Variants in SORCS1 observed in about 807,000 individuals in gnomAD.
SORCS1 encodes the protein VPS10 domain-containing receptor SorCS1.
A neutral mutation model predicts 146.1 loss-of-function variants in SORCS1; 60 were observed. That is an observed-to-expected ratio of 0.41 (90% CI 0.33 to 0.51). The LOEUF (loss-of-function observed/expected upper bound fraction) is 0.51. Among genes scored for constraint, SORCS1 ranks in the 20% least tolerant of loss-of-function variants. SORCS1 has a pLI of 0.21. For missense variants in SORCS1, 1,352 were observed against 1,487.6 expected, an observed-to-expected ratio of 0.91 and a Z score of 1.50; for synonymous variants, 637 against 584.0, an observed-to-expected ratio of 1.09 and a Z score of -1.31.
At chr10:106,861,399 TAAAAAAA>T (rs35890575) in intron 2 of SORCS1, among the ~76,000 whole-genome samples, 3 of 128,280 alleles carry the variant, frequency 2.3e-5, no homozygotes, top group African/African-American at 8.9e-5. Context: ...GACTCCGCCT[TAAAAAAA>T]AAAAAAAAAA....
chr10:107,034,434 C>G lies in SORCS1; in HGVS notation c.559-77854G>C, dbSNP rs191247087. 6.3e-4 allele frequency among the ~76,000 whole-genome samples: 96 copies of G among 152,024 alleles called. 2 individuals are homozygous for G. The highest frequency in any genetic ancestry group is 2.3e-3 in the African/African-American group (95 of 41,458). Reference sequence around the variant, plus strand: ...GTGGCTCATACCTGTAATCCCAACACTTTGGGAGACCGAGGCGGGCAGATC... The same window carrying G: ...GTGGCTCATACCTGTAATCCCAACAGTTTGGGAGACCGAGGCGGGCAGATC... On this transcript the variant is annotated intron_variant, in intron 1 of 25. Coordinates refer to ENST00000263054, the MANE Select transcript of SORCS1 (RefSeq NM_052918.5).
chr10:107,032,286 T>C (rs1958690795), intron 1 of SORCS1, among the ~76,000 whole-genome samples: 2 of 152,284 alleles, frequency 1.3e-5, no homozygotes, highest in Admixed American at 6.5e-5. Flanking sequence ...GGGGAAGTTA[T>C]TACATTTATA....
At chr10:106,958,648 A>G (rs1207484407) in intron 1 of SORCS1, among the ~76,000 whole-genome samples, 3 of 115,320 alleles carry the variant, frequency 2.6e-5, no homozygotes, top group Non-Finnish European at 6.7e-5. Flanking sequence ...ACTACAGCAC[A>G]GCTTCCTTCC....
At position 106,974,203 on chromosome 10, in the gene SORCS1, A is replaced by G. The variant is rs139118927; in HGVS notation, c.559-17623T>C. On this transcript the variant is annotated intron_variant, in intron 1 of 25. Transcript: ENST00000263054. ...GTGATGGGGATATTCCATTGCAACA[A>G]AACAATGAGTTCTATGCTCTTAAAT... Among the ~76,000 whole-genome samples the G allele has an allele frequency of 5.0e-4, 76 of 152,352 alleles. 1 individual carries two copies. In the East Asian group the frequency reaches 0.013, roughly 26 times the overall value.
At chr10:106,657,477 T>C (rs1245791055) in intron 17 of SORCS1, among the ~76,000 whole-genome samples, 14 of 151,556 alleles carry the variant, frequency 9.2e-5, no homozygotes, top group East Asian at 3.9e-4. Flanking sequence ...GGAAGGAGGG[T>C]GACAGAGAAA....
intron 3 of SORCS1, among the ~76,000 whole-genome samples, chr10:106,797,769 C>T (rs1337107959): frequency 6.6e-6 from 1 of 152,160 alleles, no homozygotes; most frequent in African/African-American, 2.4e-5. Flanking sequence ...CAGATGATGG[C>T]TTTTTCAGAC....
intron 18 of SORCS1, among the ~76,000 whole-genome samples, chr10:106,631,136 C>T (rs1235335150): frequency 6.6e-6 from 1 of 152,156 alleles, no homozygotes; most frequent in African/African-American, 2.4e-5. Flanking sequence ...AAAAGAAAAG[C>T]AGTTCAAATC....
chr10:107,149,857 C>G (rs10884422), intron 1 of SORCS1, among the ~76,000 whole-genome samples: 5,745 of 152,286 alleles, frequency 0.038, 252 homozygotes, highest in African/African-American at 0.11. Flanking sequence ...AACCTAAGAT[C>G]AACCCAAGAC....
intron 1 of SORCS1, among the ~76,000 whole-genome samples, chr10:107,102,280 GT>G (rs1279283581): frequency 6.6e-6 from 1 of 152,156 alleles, no homozygotes; most frequent in Non-Finnish European, 1.5e-5. Context: ...AGGATTTAAT[GT>G]ATGGGAAGGA....
chr10:107,071,098 C>CA (rs1962384179), intron 1 of SORCS1, among the ~76,000 whole-genome samples: 1 of 152,126 alleles, frequency 6.6e-6, no homozygotes, highest in East Asian at 1.9e-4. Flanking sequence ...CGGCAGGAGT[C>CA]AGAGTCACAG....
intron 18 of SORCS1, among the ~76,000 whole-genome samples, chr10:106,632,542 C>A (rs1330381934): frequency 1.3e-5 from 2 of 152,188 alleles, no homozygotes; most frequent in Non-Finnish European, 2.9e-5. Flanking sequence ...CATACTCACC[C>A]TACCGGCGCT....
chr10:107,058,755 A>T (rs913833334), intron 1 of SORCS1, among the ~76,000 whole-genome samples: 1 of 152,230 alleles, frequency 6.6e-6, no homozygotes, highest in Non-Finnish European at 1.5e-5. Context: ...AATGTTAGCA[A>T]TCACAAATAC....
chr10:106,966,677 C>T (rs1201092336), intron 1 of SORCS1, among the ~76,000 whole-genome samples: 3 of 152,060 alleles, frequency 2.0e-5, no homozygotes, highest in African/African-American at 7.2e-5. Flanking sequence ...TCGTGAAGAG[C>T]AAAAAACTTT....
intron 23 of SORCS1, among the ~76,000 whole-genome samples, chr10:106,603,127 A>C (rs1846352159): frequency 6.6e-6 from 1 of 152,162 alleles, no homozygotes; most frequent in African/African-American, 2.4e-5. Flanking sequence ...ACAGCATCAC[A>C]AACAATCACG....
chr10:107,017,557 T>C (rs746180769), intron 1 of SORCS1, among the ~76,000 whole-genome samples: 7 of 152,220 alleles, frequency 4.6e-5, no homozygotes, highest in African/African-American at 7.2e-5. Flanking sequence ...ACCATGACAT[T>C]TGAGGAAACA....
At chr10:106,734,017 A>G (rs371798546) in intron 5 of SORCS1, among the ~76,000 whole-genome samples, 12 of 152,274 alleles carry the variant, frequency 7.9e-5, no homozygotes, top group Admixed American at 2.0e-4. Flanking sequence ...TACATATACA[A>G]CATTTTTGCA....
chr10:106,741,110 T>C (rs564713638), intron 5 of SORCS1, among the ~76,000 whole-genome samples: 51 of 152,306 alleles, frequency 3.3e-4, no homozygotes, highest in African/African-American at 1.2e-3. Flanking sequence ...CCTGTTACAA[T>C]TAAGAAAGCC....
intron 18 of SORCS1, among the ~76,000 whole-genome samples, chr10:106,645,704 C>T (rs61182286): frequency 6.6e-6 from 1 of 150,664 alleles, no homozygotes; most frequent in African/African-American, 2.4e-5. Context: ...TTATGATTCC[C>T]TCATTAAAAT....
intron 6 of SORCS1, among the ~76,000 whole-genome samples, chr10:106,729,461 C>A (rs116268909): frequency 0.018 from 2,669 of 147,190 alleles, 83 homozygotes; most frequent in African/African-American, 0.064. Flanking sequence ...TTTTTTAATT[C>A]TTTCCAAGTG....
Sources: gnomAD v4.1 joint callset for allele counts (sites outside exome capture counted in the v4.1 genomes callset) on GRCh38, gnomAD v4.1.1 for gene constraint, MANE v1.5 for transcripts, NCBI Gene and HGNC (gene_info 2026-07-23, HGNC 2026-07-21) for gene names.